The following MPP7 variants were observed in gnomAD, a reference collection of about 807,000 sequenced individuals.
The protein encoded by MPP7 is MAGUK p55 scaffold protein 7.
Under a neutral mutation model 76.5 loss-of-function variants are expected in MPP7, and 60 were observed. The ratio of observed to expected loss-of-function variants is 0.78; its 90% confidence interval spans 0.64 to 0.97. MPP7 has a LOEUF of 0.97. MPP7 is among the 50% of genes least tolerant of loss of function. The pLI is 0.00. For synonymous variants in MPP7, 237 were observed against 244.5 expected (o/e 0.97, Z 0.29); for missense variants, 641 against 694.0 (o/e 0.92, Z 0.86).
intron 1 of MPP7, among the ~76,000 whole-genome samples, chr10:28,280,360 G>C (rs1840632878): frequency 6.6e-6 from 1 of 151,952 alleles, no homozygotes; most frequent in Non-Finnish European, 1.5e-5. Flanking sequence ...ATCATCTCTA[G>C]ATTACTTACA....
chr10:28,204,360 T>G (rs1837878018), intron 2 of MPP7, among the ~76,000 whole-genome samples: 1 of 151,090 alleles, frequency 6.6e-6, no homozygotes, highest in African/African-American at 2.4e-5. Flanking sequence ...GGAGAATCAC[T>G]TGAACCCCGG....
chr10:28,265,490 T>A (rs1358369031), intron 1 of MPP7, among the ~76,000 whole-genome samples: 2 of 151,868 alleles, frequency 1.3e-5, no homozygotes, highest in African/African-American at 4.8e-5. Context: ...GTCCAGGGGG[T>A]CAAGAATGCA....
chr10:28,253,063 A>G (rs971872395), intron 1 of MPP7, among the ~76,000 whole-genome samples: 1 of 152,084 alleles, frequency 6.6e-6, no homozygotes, highest in African/African-American at 2.4e-5. Context: ...ACGCACCACC[A>G]TGCCCAACTA....
intron 1 of MPP7, among the ~76,000 whole-genome samples, chr10:28,270,453 A>C (rs1399926251): frequency 2.0e-5 from 3 of 148,132 alleles, no homozygotes; most frequent in Non-Finnish European, 4.4e-5. Flanking sequence ...TGGCAGACAG[A>C]GGCAGGAGGA....
chr10:28,330,909 C>T (rs979975953), intron 1 of MPP7, among the ~76,000 whole-genome samples: 1 of 152,142 alleles, frequency 6.6e-6, no homozygotes, highest in Admixed American at 6.6e-5. Context: ...AATCCTCCTG[C>T]CTCAGCCTCC....
intron 1 of MPP7, among the ~76,000 whole-genome samples, chr10:28,255,440 G>C (rs1230349769): frequency 6.9e-6 from 1 of 145,520 alleles, no homozygotes; most frequent in African/African-American, 2.6e-5. Context: ...TTTCTGCAAC[G>C]GAGTCTCACT....
At chr10:28,074,174 C>A (rs901158272) in intron 12 of MPP7, among the ~76,000 whole-genome samples, 13 of 152,170 alleles carry the variant, frequency 8.5e-5, no homozygotes, top group Non-Finnish European at 1.5e-5. Context: ...ATCACCACCT[C>A]ATGCTCAGCA....
chr10:28,246,161 A>G (rs987687896), intron 1 of MPP7, among the ~76,000 whole-genome samples: 3 of 152,196 alleles, frequency 2.0e-5, no homozygotes, highest in Non-Finnish European at 4.4e-5. Flanking sequence ...ACATATTATA[A>G]TTAAATTGTC....
chr10:28,315,998 C>T (rs1300079790), intron 2 of MPP7, among the ~76,000 whole-genome samples: 1 of 152,126 alleles, frequency 6.6e-6, no homozygotes, highest in Admixed American at 6.6e-5. Flanking sequence ...CAGTACTCCT[C>T]AAAATTGCCA....
intron 2 of MPP7, among the ~76,000 whole-genome samples, chr10:28,319,429 C>A (rs1834347550): frequency 1.3e-5 from 2 of 152,142 alleles, no homozygotes; most frequent in African/African-American, 2.4e-5. Context: ...GTAATCCCAG[C>A]ACTTTGGGAG....
chr10:28,285,801 T>A (rs1840777482), intron 1 of MPP7, among the ~76,000 whole-genome samples: 1 of 151,736 alleles, frequency 6.6e-6, no homozygotes, highest in African/African-American at 2.4e-5. Context: ...AAGAACATGT[T>A]AAACCATTCA....
chr10:28,161,552 T>C (rs776666845), intron 3 of MPP7, among the ~76,000 whole-genome samples: 1 of 152,184 alleles, frequency 6.6e-6, no homozygotes, highest in Non-Finnish European at 1.5e-5. Flanking sequence ...AAACAAAAAC[T>C]TGTAATCATT....
chr10:28,110,090 CTTT>C (rs1564635062), intron 11 of MPP7, among the ~76,000 whole-genome samples: 1 of 148,248 alleles, frequency 6.7e-6, no homozygotes, highest in African/African-American at 2.5e-5. Flanking sequence ...CTTCTTTTTT[CTTT>C]TTTCTTTTTT....
chr10:28,085,091 T>C (rs1431829309), intron 12 of MPP7, among the ~76,000 whole-genome samples: 4 of 152,322 alleles, frequency 2.6e-5, no homozygotes, highest in Admixed American at 6.5e-5. Flanking sequence ...AAGGAGATTT[T>C]TTAAAAAGTA....
chr10:28,127,147 T>G (rs1450936977), intron 6 of MPP7, among the ~76,000 whole-genome samples: 1 of 152,224 alleles, frequency 6.6e-6, no homozygotes, highest in Non-Finnish European at 1.5e-5. Context: ...TACTATGGAC[T>G]GTACAGTTTT....
chr10:28,248,428 C>T lies in MPP7; in HGVS notation c.-131-9693G>A, dbSNP rs374617211. ...GCCAAGCAGGAGGCTTTGTGCACTC[C>T]GACGCGGCTCAAGTGGTTCAGGTTT... is the stretch of plus-strand genomic sequence containing the variant. On this transcript the variant is annotated intron_variant, in intron 1 of 16. Transcript: ENST00000683449. Among the ~76,000 whole-genome samples the T allele has an allele frequency of 3.5e-4, 54 of 152,220 alleles. 1 individual carries two copies. In the South Asian group the frequency reaches 8.3e-3, roughly 23 times the overall value.
intron 3 of MPP7, among the ~76,000 whole-genome samples, chr10:28,189,587 A>C (rs1318631681): frequency 1.3e-5 from 2 of 150,756 alleles, no homozygotes; most frequent in East Asian, 1.9e-4. Flanking sequence ...AAAAAAAAAA[A>C]AAAAAAAAAA....
intron 2 of MPP7, among the ~76,000 whole-genome samples, chr10:28,313,855 T>G (rs1841304197): frequency 3.0e-5 from 1 of 32,894 alleles, no homozygotes; most frequent in East Asian, 7.4e-4. Flanking sequence ...CCTGGCTAAT[T>G]TTTTTTTTTT....
intron 11 of MPP7, among the ~76,000 whole-genome samples, chr10:28,109,609 G>A (rs1291808764): frequency 6.6e-6 from 1 of 151,888 alleles, no homozygotes; most frequent in African/African-American, 2.4e-5. Context: ...GAAGGTGCAT[G>A]CCACCCCCAC....
Sources: gnomAD v4.1 joint callset for allele counts (sites outside exome capture counted in the v4.1 genomes callset) on GRCh38, gnomAD v4.1.1 for gene constraint, MANE v1.5 for transcripts, NCBI Gene and HGNC (gene_info 2026-07-23, HGNC 2026-07-21) for gene names.